CSMD3: variants seen among roughly 807,000 people sequenced by gnomAD.
CSMD3 encodes the protein CUB and sushi domain-containing protein 3.
Under a neutral mutation model 435.2 loss-of-function variants are expected in CSMD3, and 177 were observed. The observed-to-expected ratio is 0.41, with a 90% CI of 0.36 to 0.46. CSMD3 has a LOEUF of 0.46. Ranked by LOEUF, CSMD3 falls within the 20% of genes least tolerant of loss-of-function variation. CSMD3 has a pLI of 0.34. For missense variants in CSMD3, 4,265 were observed against 4,504.6 expected (o/e 0.95, Z 1.52); for synonymous variants, 1,656 against 1,520.5 (o/e 1.09, Z -2.07).
chr8:112,912,047 A>T (rs1315039301), intron 10 of CSMD3, among the ~76,000 whole-genome samples: 1 of 148,818 alleles, frequency 6.7e-6, no homozygotes, highest in African/African-American at 2.4e-5. Context: ...TTAGTGGCTT[A>T]TTTCAATTAT....
intron 32 of CSMD3, among the ~76,000 whole-genome samples, chr8:112,471,405 C>T (rs945226169): frequency 2.0e-5 from 3 of 152,124 alleles, no homozygotes; most frequent in Admixed American, 6.6e-5. Flanking sequence ...TCTAAACTGT[C>T]GTTTTCTTCA....
chr8:113,148,164 C>T (rs918827550), intron 4 of CSMD3, among the ~76,000 whole-genome samples: 9 of 151,712 alleles, frequency 5.9e-5, no homozygotes, highest in African/African-American at 1.9e-4. Flanking sequence ...CATTCCACAG[C>T]CTCTCACTAT....
At chr8:112,407,317 C>A (rs2130043164) in intron 34 of CSMD3, among the ~76,000 whole-genome samples, 1 of 152,090 alleles carries the variant, frequency 6.6e-6, no homozygotes, top group African/African-American at 2.4e-5. Context: ...AATAATCATA[C>A]AATATCAGAT....
intron 2 of CSMD3, among the ~76,000 whole-genome samples, chr8:113,290,226 T>C (rs933457471): frequency 3.3e-5 from 5 of 151,652 alleles, no homozygotes; most frequent in African/African-American, 7.2e-5. Context: ...AAGAGATACA[T>C]TTTACATAAA....
chr8:112,225,584 G>A (rs1055575617), intron 70 of CSMD3, among the ~76,000 whole-genome samples: 7 of 152,166 alleles, frequency 4.6e-5, no homozygotes, highest in South Asian at 4.2e-4. Context: ...AGTCGGTTCC[G>A]CACAAAAAGA....
At chr8:113,225,322 T>C (rs1163559092) in intron 3 of CSMD3, among the ~76,000 whole-genome samples, 3 of 151,494 alleles carry the variant, frequency 2.0e-5, no homozygotes, top group Non-Finnish European at 4.4e-5. Flanking sequence ...AAGTTCTCTG[T>C]TCTTCTCTTG....
chr8:112,510,395 A>G (rs982751479), intron 28 of CSMD3, among the ~76,000 whole-genome samples: 2 of 152,210 alleles, frequency 1.3e-5, no homozygotes, highest in African/African-American at 4.8e-5. Flanking sequence ...CTCAAATATT[A>G]TCATACTGCT....
At chr8:112,231,446 A>G (rs1813076911) in intron 69 of CSMD3, 99 bp downstream of exon 69, 5 of 803,432 alleles carry the variant, frequency 6.2e-6, no homozygotes, top group Non-Finnish European at 1.1e-5. Flanking sequence ...CAGAATTTAT[A>G]ATGCAGTAAG....
intron 10 of CSMD3, among the ~76,000 whole-genome samples, chr8:112,916,471 A>C (rs1032341346): frequency 3.3e-5 from 5 of 151,830 alleles, no homozygotes; most frequent in Non-Finnish European, 7.4e-5. Flanking sequence ...AGAAAAAAAA[A>C]CCACTAAGAA....
At position 113,030,421 on chromosome 8, in the gene CSMD3, A is replaced by AAAAAG. The variant is rs1250085984; in HGVS notation, c.918-11243_918-11242insCTTTT. Among the ~76,000 whole-genome samples the AAAAAG allele has an allele frequency of 5.8e-3, 740 of 128,320 alleles. 68 individuals are homozygous for AAAAAG. Among genetic ancestry groups the AAAAAG allele is most frequent in the African/African-American group, 0.021 (703 of 33,102 alleles). The allele number at this position is 128,320 out of a possible 152,430, so 84.2% of individuals were successfully genotyped here. A position where few individuals can be genotyped will look rare whatever the true frequency, so the allele number is the denominator to read the frequency against. ...ACCAAAACACTTTGGTACTGGTAAA[A>AAAAAG]AAAAAAAAAAAAAAAAAAAAAAAAG... On this transcript the variant is annotated intron_variant, in intron 5 of 70. Transcript: ENST00000297405.
At chr8:112,416,239 G>A (rs1811899425) in intron 32 of CSMD3, among the ~76,000 whole-genome samples, 1 of 152,146 alleles carries the variant, frequency 6.6e-6, no homozygotes, top group African/African-American at 2.4e-5. Context: ...TAGTGAGTGA[G>A]TTCTTATGAG....
intron 32 of CSMD3, among the ~76,000 whole-genome samples, chr8:112,414,182 T>C (rs1452905449): frequency 6.6e-6 from 1 of 152,234 alleles, no homozygotes; most frequent in Non-Finnish European, 1.5e-5. Context: ...TATGCCTATC[T>C]TGATACTTCT....
intron 13 of CSMD3, among the ~76,000 whole-genome samples, chr8:112,756,470 C>T (rs1457524853): frequency 1.3e-5 from 2 of 152,152 alleles, no homozygotes; most frequent in East Asian, 3.9e-4. Context: ...GGCATTCTCT[C>T]TCAAGTTACT....
intron 5 of CSMD3, among the ~76,000 whole-genome samples, chr8:113,093,775 A>T (rs1418472101): frequency 6.6e-6 from 1 of 152,174 alleles, no homozygotes; most frequent in African/African-American, 2.4e-5. Flanking sequence ...AACTAATAAA[A>T]ATAAATAATT....
intron 1 of CSMD3, among the ~76,000 whole-genome samples, chr8:113,398,552 A>T (rs1436416851): frequency 6.6e-6 from 1 of 152,180 alleles, no homozygotes; most frequent in African/African-American, 2.4e-5. Context: ...ATTTTTATTG[A>T]TATGCCATTA....
At chr8:112,251,980 T>C (rs1429797749) in intron 63 of CSMD3, among the ~76,000 whole-genome samples, 1 of 151,888 alleles carries the variant, frequency 6.6e-6, no homozygotes, top group Non-Finnish European at 1.5e-5. Context: ...GTTTTCATCA[T>C]CTCTAGCAAT....
chr8:112,888,485 C>T (rs1250379251), intron 10 of CSMD3, among the ~76,000 whole-genome samples: 3 of 151,524 alleles, frequency 2.0e-5, no homozygotes, highest in Non-Finnish European at 4.4e-5. Flanking sequence ...CAAGGAGCAG[C>T]AATGGGGAAC....
chr8:112,252,803 T>C (rs770557056), intron 63 of CSMD3, among the ~76,000 whole-genome samples: 11 of 151,126 alleles, frequency 7.3e-5, no homozygotes, highest in Non-Finnish European at 1.5e-4. Context: ...TATATAATTG[T>C]ATATAAGTAG....
At chr8:112,535,685 T>A (rs1261113256) in intron 27 of CSMD3, among the ~76,000 whole-genome samples, 1 of 152,076 alleles carries the variant, frequency 6.6e-6, no homozygotes, top group African/African-American at 2.4e-5. Flanking sequence ...AAAGTTCATA[T>A]GGAACCAAAA....
Sources: allele counts gnomAD v4.1 joint callset (sites outside exome capture counted in the v4.1 genomes callset), GRCh38; gene constraint gnomAD v4.1.1; transcripts MANE v1.5; gene names NCBI Gene and HGNC (gene_info 2026-07-23, HGNC 2026-07-21).